Variants in ANKRD31 observed in about 807,000 individuals in gnomAD.
ANKRD31 encodes ankyrin repeat domain-containing protein 31.
Under a neutral mutation model 186.0 loss-of-function variants are expected in ANKRD31, and 147 were observed. That is an observed-to-expected ratio of 0.79 (90% confidence interval 0.69 to 0.91). ANKRD31 has a LOEUF of 0.91. ANKRD31 is among the 40% of genes least tolerant of loss of function. ANKRD31 has a pLI of 0.00. For missense variants in ANKRD31, 1,986 were observed against 2,148.8 expected (o/e 0.92, Z 1.50); for synonymous variants, 673 against 736.4 (o/e 0.91, Z 1.39).
At position 75,193,370 on chromosome 5, in the gene ANKRD31, T is replaced by TA; in HGVS notation, c.1238dup (p.Leu413PhefsTer8). 1 of 1,536,986 alleles carries TA rather than the reference T, an allele frequency of 6.5e-7. No individual in the cohort carries two copies. The highest frequency in any genetic ancestry group is 1.2e-5 in the South Asian group (1 of 84,052). ...GGTCCTCACAGCCAAGGATTTTTGG[T>TA]AAAATCTTTTCTGGCATCTTATACA... On this transcript the variant is annotated frameshift_variant, in exon 8 of 26. Coordinates refer to ENST00000506364, the MANE Select transcript of ANKRD31 (RefSeq NM_001372053.1). LOFTEE classifies it high-confidence loss of function.
At chr5:75,155,706 T>C (rs1292819051) in intron 11 of ANKRD31, among the ~76,000 whole-genome samples, 2 of 152,178 alleles carry the variant, frequency 1.3e-5, no homozygotes, top group African/African-American at 4.8e-5. Flanking sequence ...AGGAAGGATA[T>C]AAATTTCTAT....
Position 75,079,172 on chromosome 5 carries a change from A to G in ANKRD31, c.5647+1396T>C, listed in dbSNP as rs181764546. ...CAATTCAGAATAAAGCTTTTCCATC[A>G]TCTCTGATTCACTGAAGAAAGTTGT... On this transcript the variant is annotated intron_variant, in intron 25 of 25. Transcript: ENST00000506364. Among the ~76,000 whole-genome samples the G allele has an allele frequency of 7.1e-4, 108 of 152,294 alleles. 1 individual carries two copies. The highest frequency in any genetic ancestry group is 6.2e-3 in the East Asian group (32 of 5,190).
intron 17 of ANKRD31, among the ~76,000 whole-genome samples, chr5:75,123,595 T>C (rs750227563): frequency 3.3e-4 from 50 of 151,998 alleles, no homozygotes; most frequent in Non-Finnish European, 5.6e-4. Flanking sequence ...AACAGACACA[T>C]AGATCAAGGT....
chr5:75,233,535 TA>T (rs1230626177), intron 1 of ANKRD31, among the ~76,000 whole-genome samples: 2 of 152,070 alleles, frequency 1.3e-5, no homozygotes, highest in African/African-American at 4.8e-5. Flanking sequence ...CTGCCCCTAC[TA>T]AAATCTTAAT....
intron 17 of ANKRD31, among the ~76,000 whole-genome samples, chr5:75,122,292 A>C (rs1748856234): frequency 9.6e-6 from 1 of 103,896 alleles, no homozygotes; most frequent in Non-Finnish European, 1.7e-5. Context: ...AAATCCTCCC[A>C]ACAAAAAAAA....
chr5:75,216,801 C>T (rs571856175), intron 3 of ANKRD31, among the ~76,000 whole-genome samples: 6 of 151,648 alleles, frequency 4.0e-5, no homozygotes, highest in Admixed American at 3.3e-4. Flanking sequence ...CTTACTTTTC[C>T]CCATGACATT....
chr5:75,206,059 A>G (rs773403726), intron 5 of ANKRD31, among the ~76,000 whole-genome samples: 9 of 151,136 alleles, frequency 6.0e-5, no homozygotes, highest in Non-Finnish European at 1.2e-4. Context: ...CCCCAAGTCA[A>G]TAGCAACACT....
At chr5:75,224,135 A>ATATATATATATATATATATATATATATG (rs1757478961) in intron 2 of ANKRD31, among the ~76,000 whole-genome samples, 1 of 59,060 alleles carries the variant, frequency 1.7e-5, no homozygotes, top group Non-Finnish European at 2.8e-5. Context: ...ATAATTATAT[A>ATATATATATATATATATATATATATATG]TATATATATA....
intron 17 of ANKRD31, among the ~76,000 whole-genome samples, chr5:75,128,528 G>A (rs908416347): frequency 9.7e-6 from 1 of 103,592 alleles, no homozygotes; most frequent in African/African-American, 5.4e-5. Flanking sequence ...TTTTTGAGAT[G>A]GAGTCTGGCT....
At chr5:75,101,432 T>C (rs1457042999) in intron 22 of ANKRD31, among the ~76,000 whole-genome samples, 3 of 152,188 alleles carry the variant, frequency 2.0e-5, no homozygotes, top group African/African-American at 7.2e-5. Flanking sequence ...GGAGTATCTT[T>C]ATGGTGTTCT....
chr5:75,186,705 C>T (rs1342507180), intron 10 of ANKRD31, among the ~76,000 whole-genome samples: 7 of 152,050 alleles, frequency 4.6e-5, no homozygotes, highest in Non-Finnish European at 1.0e-4. Flanking sequence ...TCTTTCTGAG[C>T]TCCCTGCAAT....
At chr5:75,206,555 A>G in intron 4 of ANKRD31, 68 bp from the exon 5 acceptor site, 5 of 912,784 alleles carry the variant, frequency 5.5e-6, no homozygotes, top group Non-Finnish European at 7.3e-6. Flanking sequence ...ATTCAAATAC[A>G]ATTTAATTTT....
chr5:75,108,236 A>G (rs1041708816), intron 20 of ANKRD31, among the ~76,000 whole-genome samples: 3 of 152,034 alleles, frequency 2.0e-5, no homozygotes, highest in Non-Finnish European at 2.9e-5. Context: ...AAATAGAATC[A>G]TGCTATCAGT....
intron 7 of ANKRD31, among the ~76,000 whole-genome samples, chr5:75,195,170 C>T (rs1755380460): frequency 6.6e-6 from 1 of 151,944 alleles, no homozygotes; most frequent in Non-Finnish European, 1.5e-5. Flanking sequence ...TTTTCCCTCC[C>T]CTGGCATCCC....
rs150781751 is a variant in ANKRD31 at position 75,205,897 on chromosome 5, C to T, written c.403+514G>A. Among the ~76,000 whole-genome samples, 9 of 152,018 alleles carry T rather than the reference C, an allele frequency of 5.9e-5. No individual in the cohort carries two copies. In the East Asian group the frequency reaches 1.7e-3, roughly 30 times the overall value. On this transcript the variant is annotated intron_variant, in intron 5 of 25. Transcript: ENST00000506364. Reference sequence around the variant, plus strand: ...AAGGCAAAACTGGCCTGTGTGACTGCCAGTCAAGAAAGACATGAAATTCTT... The same window carrying T: ...AAGGCAAAACTGGCCTGTGTGACTGTCAGTCAAGAAAGACATGAAATTCTT...
At chr5:75,217,225 G>C (rs1757012902) in intron 3 of ANKRD31, among the ~76,000 whole-genome samples, 1 of 152,146 alleles carries the variant, frequency 6.6e-6, no homozygotes, top group African/African-American at 2.4e-5. Flanking sequence ...GAGTCCTGTA[G>C]ATGTCTACTA....
At chr5:75,198,251 G>A (rs1053995764) in intron 6 of ANKRD31, among the ~76,000 whole-genome samples, 1 of 152,240 alleles carries the variant, frequency 6.6e-6, no homozygotes, top group East Asian at 1.9e-4. Flanking sequence ...AATTTGAGCT[G>A]CCTCTCCTGT....
intron 17 of ANKRD31, among the ~76,000 whole-genome samples, chr5:75,131,154 C>CCTCT (rs1461074898): frequency 2.6e-5 from 4 of 152,156 alleles, no homozygotes; most frequent in Non-Finnish European, 4.4e-5. Context: ...CCGACCTGTG[C>CCTCT]CTCTCCCTCC....
chr5:75,131,086 G>A (rs114021372), intron 17 of ANKRD31, among the ~76,000 whole-genome samples: 2,839 of 146,914 alleles, frequency 0.019, 104 homozygotes, highest in African/African-American at 0.067. Flanking sequence ...AGGGTCCACC[G>A]AGCCCACACC....
Sources: allele counts gnomAD v4.1 joint callset (sites outside exome capture counted in the v4.1 genomes callset), GRCh38; gene constraint gnomAD v4.1.1; transcripts MANE v1.5; gene names NCBI Gene and HGNC (gene_info 2026-07-23, HGNC 2026-07-21).